CYP27A1: variants seen among roughly 807,000 people sequenced by gnomAD.
CYP27A1 encodes the protein cytochrome P450 family 27 subfamily A member 1.
Under a neutral mutation model 58.2 loss-of-function variants are expected in CYP27A1, and 46 were observed. The observed-to-expected ratio is 0.79, with a 90% CI of 0.62 to 1.01. CYP27A1 has a LOEUF of 1.01. CYP27A1 is among the 50% of genes least tolerant of loss of function. The pLI is 0.00. For synonymous variants in CYP27A1, 274 were observed against 285.1 expected (o/e 0.96, Z 0.39); for missense variants, 704 against 687.0 (o/e 1.02, Z -0.28).
chr2:218,803,094 G>C (rs565927799), intron 1 of CYP27A1, among the ~76,000 whole-genome samples: 2 of 152,102 alleles, frequency 1.3e-5, no homozygotes, highest in Non-Finnish European at 2.9e-5. Context: ...ACAAGTGTGC[G>C]CCATCACGCC....
intron 1 of CYP27A1, chr2:218,806,003 G>A (rs1301481665): frequency 3.3e-5 from 5 of 152,172 alleles, no homozygotes; most frequent in Admixed American, 2.0e-4. Flanking sequence ...AGAGGCTTTG[G>A]ATTCCAGGAA....
At chr2:218,801,985 T>TTTTC (rs1169259730) in intron 1 of CYP27A1, among the ~76,000 whole-genome samples, 1 of 149,164 alleles carries the variant, frequency 6.7e-6, no homozygotes, top group Non-Finnish European at 1.5e-5. Flanking sequence ...CAGGCTTTTT[T>TTTTC]TTTTTTTTTT....
intron 1 of CYP27A1, among the ~76,000 whole-genome samples, chr2:218,797,159 G>A (rs1475234284): frequency 6.6e-6 from 1 of 152,132 alleles, no homozygotes; most frequent in East Asian, 1.9e-4. Context: ...GCAATGGCAT[G>A]ATCTTGGCTC....
intron 1 of CYP27A1, among the ~76,000 whole-genome samples, chr2:218,789,343 CAG>C (rs1355277518): frequency 5.9e-5 from 9 of 152,186 alleles, no homozygotes; most frequent in African/African-American, 1.9e-4. Context: ...TTAAGTTTAA[CAG>C]AGTTTAAATG....
intron 1 of CYP27A1, among the ~76,000 whole-genome samples, chr2:218,806,646 G>A (rs1943654903): frequency 6.6e-6 from 1 of 152,238 alleles, no homozygotes; most frequent in Admixed American, 6.5e-5. Context: ...AGGGATCCGT[G>A]GAGTAAGTGG....
At chr2:218,793,827 C>T (rs1461397427) in intron 1 of CYP27A1, among the ~76,000 whole-genome samples, 3 of 151,872 alleles carry the variant, frequency 2.0e-5, no homozygotes, top group Admixed American at 6.6e-5. Context: ...AATTCTCATG[C>T]CTCAGACTCC....
intron 1 of CYP27A1, among the ~76,000 whole-genome samples, chr2:218,806,892 T>C (rs1439316899): frequency 6.6e-6 from 1 of 152,118 alleles, no homozygotes; most frequent in African/African-American, 2.4e-5. Flanking sequence ...CAATTATTAT[T>C]GTTAATGTCT....
chr2:218,794,608 G>A (rs549562819), intron 1 of CYP27A1, among the ~76,000 whole-genome samples: 3 of 152,280 alleles, frequency 2.0e-5, no homozygotes, highest in Non-Finnish European at 2.9e-5. Context: ...TTTTGCCGGC[G>A]TGTTGGGCTT....
chr2:218,813,633 G>A (rs575079895), intron 5 of CYP27A1, among the ~76,000 whole-genome samples: 18 of 152,148 alleles, frequency 1.2e-4, no homozygotes, highest in African/African-American at 4.3e-4. Flanking sequence ...GTTTCACCAT[G>A]TTGGTCAGGC....
At chr2:218,803,906 T>C (rs1278278080) in intron 1 of CYP27A1, among the ~76,000 whole-genome samples, 1 of 151,564 alleles carries the variant, frequency 6.6e-6, no homozygotes, top group Non-Finnish European at 1.5e-5. Flanking sequence ...CTAATTTTTG[T>C]ATTTTTAGTA....
chr2:218,801,936 T>C lies in CYP27A1; in HGVS notation c.256-7641T>C, dbSNP rs1198241109. On this transcript the variant is annotated intron_variant, in intron 1 of 8. Coordinates refer to ENST00000258415, the MANE Select transcript of CYP27A1 (RefSeq NM_000784.4). The stretch of plus-strand genomic sequence containing the variant: ...GCAGGAATGGAGCCTGCATTTGACT[T>C]GCCAGGCCCTGGGCTTTGGCTGGGG... Among the ~76,000 whole-genome samples the C allele has an allele frequency of 2.0e-5, 3 of 150,778 alleles. No individual in the cohort carries two copies. The East Asian group carries it at 5.8e-4, about 29-fold the overall frequency.
At chr2:218,794,800 G>T (rs1202406837) in intron 1 of CYP27A1, among the ~76,000 whole-genome samples, 2 of 152,200 alleles carry the variant, frequency 1.3e-5, no homozygotes, top group Admixed American at 6.5e-5. Context: ...TTTCAAAGGG[G>T]TCCTAGGGGT....
At chr2:218,792,298 T>G (rs1005072390) in intron 1 of CYP27A1, among the ~76,000 whole-genome samples, 3 of 152,198 alleles carry the variant, frequency 2.0e-5, no homozygotes, top group Non-Finnish European at 4.4e-5. Context: ...ATAGGTAATT[T>G]GACTTAGAAC....
intron 1 of CYP27A1, among the ~76,000 whole-genome samples, chr2:218,789,147 C>G (rs1443778776): frequency 6.6e-6 from 1 of 152,142 alleles, no homozygotes; most frequent in African/African-American, 2.4e-5. Context: ...TTCAAGGCAG[C>G]CTTATTTGTA....
chr2:218,783,901 G>C (rs1483714633), intron 1 of CYP27A1, among the ~76,000 whole-genome samples: 2 of 152,164 alleles, frequency 1.3e-5, no homozygotes, highest in Non-Finnish European at 2.9e-5. Context: ...TCAAGATAAG[G>C]GCCCTGGTTC....
chr2:218,804,573 G>A (rs887399390), intron 1 of CYP27A1, among the ~76,000 whole-genome samples: 6 of 152,240 alleles, frequency 3.9e-5, no homozygotes, highest in African/African-American at 1.4e-4. Flanking sequence ...TTCCATTTCT[G>A]CAAAAAGGCT....
chr2:218,801,294 C>T (rs897806772), intron 1 of CYP27A1, among the ~76,000 whole-genome samples: 1 of 152,126 alleles, frequency 6.6e-6, no homozygotes, highest in African/African-American at 2.4e-5. Flanking sequence ...CACGTGAGGT[C>T]AGGAGTTCGA....
At chr2:218,814,854 G>T in intron 8 of CYP27A1, 57 bp from the exon 9 acceptor site, 1 of 1,614,080 alleles carries the variant, frequency 6.2e-7, no homozygotes, top group South Asian at 1.1e-5. Context: ...TGTGCAGAGC[G>T]GGGAGTGGAT....
chr2:218,792,188 G>A (rs1943500473), intron 1 of CYP27A1, among the ~76,000 whole-genome samples: 1 of 152,102 alleles, frequency 6.6e-6, no homozygotes, highest in Non-Finnish European at 1.5e-5. Flanking sequence ...TGGCTGTCCT[G>A]GTTCTCTGTG....
Sources: gnomAD v4.1 joint callset for allele counts (sites outside exome capture counted in the v4.1 genomes callset) on GRCh38, gnomAD v4.1.1 for gene constraint, MANE v1.5 for transcripts, NCBI Gene and HGNC (gene_info 2026-07-23, HGNC 2026-07-21) for gene names.